DENND2A: variants seen among roughly 807,000 people sequenced by gnomAD.
DENND2A encodes the protein DENN domain containing 2A, also known as DENN domain-containing protein 2A.
In DENND2A, 53 loss-of-function variants were observed where a neutral mutation model predicts 105.3. The observed-to-expected ratio is 0.50, with a 90% CI of 0.40 to 0.63. DENND2A has a LOEUF of 0.63. Ranked by LOEUF, DENND2A falls within the 30% of genes least tolerant of loss-of-function variation. DENND2A has a pLI of 0.00. For missense variants in DENND2A, 1,138 were observed against 1,279.6 expected (o/e 0.89, Z 1.69); for synonymous variants, 522 against 508.4 (o/e 1.03, Z -0.36).
intron 8 of DENND2A, among the ~76,000 whole-genome samples, chr7:140,567,597 T>G (rs1298511890): frequency 6.6e-6 from 1 of 152,190 alleles, no homozygotes; most frequent in Non-Finnish European, 1.5e-5. Flanking sequence ...CTGTCTGGAC[T>G]CTGGGCAGAG....
chr7:140,576,081 A>G (rs548227816), intron 5 of DENND2A, among the ~76,000 whole-genome samples: 13 of 151,698 alleles, frequency 8.6e-5, no homozygotes, highest in South Asian at 8.3e-4. Context: ...TCATACTTCA[A>G]TGCGCCAACT....
chr7:140,558,723 T>C (rs1389504961), intron 10 of DENND2A, among the ~76,000 whole-genome samples: 2 of 143,910 alleles, frequency 1.4e-5, no homozygotes, highest in African/African-American at 5.1e-5. Context: ...AAAAAGTCAG[T>C]GAGACTGAGA....
intron 14 of DENND2A, among the ~76,000 whole-genome samples, chr7:140,536,009 G>A (rs77471923): frequency 0.015 from 2,217 of 152,214 alleles, 54 homozygotes; most frequent in African/African-American, 0.05. Context: ...TAATTCTAGC[G>A]CTCCTTAGCC....
intron 3 of DENND2A, among the ~76,000 whole-genome samples, chr7:140,592,078 G>A (rs1799076636): frequency 1.5e-5 from 2 of 133,336 alleles, no homozygotes; most frequent in Non-Finnish European, 3.2e-5. Context: ...CGCTCTTGAC[G>A]CCCAGGCTCT....
intron 12 of DENND2A, among the ~76,000 whole-genome samples, chr7:140,552,894 T>C (rs1043225362): frequency 1.3e-5 from 2 of 151,156 alleles, no homozygotes; most frequent in Non-Finnish European, 2.9e-5. Flanking sequence ...TGGGAAGAGA[T>C]TGTACTATGT....
In DENND2A at chr7:140,523,293, G is replaced by C. The variant is rs761954304; in HGVS notation, c.2665+14C>G. 13 of 1,613,118 alleles carry C rather than the reference G, an allele frequency of 8.1e-6. 1 individual carries two copies. In the South Asian group the frequency reaches 1.1e-4, roughly 14 times the overall value. ...GGAAGGGAGAGACCCACTGGGAGGTGGCTGAACACTTACCGTGCCTGCCGT... is the reference window on the plus strand; with the variant it reads ...GGAAGGGAGAGACCCACTGGGAGGTCGCTGAACACTTACCGTGCCTGCCGT... On this transcript the variant is annotated intron_variant, in intron 17 of 19. Coordinates refer to ENST00000496613, the MANE Select transcript of DENND2A (RefSeq NM_015689.5). This position sits in a 1 kb window ranked among gnomAD's most constrained non-coding sequence, Gnocchi z 4.5.
At chr7:140,612,808 C>T (rs1303090911) in intron 1 of DENND2A, among the ~76,000 whole-genome samples, 3 of 151,272 alleles carry the variant, frequency 2.0e-5, no homozygotes, top group Non-Finnish European at 4.4e-5. Flanking sequence ...AGCCCTGTTA[C>T]ACTAAATTTA....
chr7:140,586,865 C>CCA (rs1301626832), intron 4 of DENND2A, among the ~76,000 whole-genome samples: 2 of 152,128 alleles, frequency 1.3e-5, no homozygotes, highest in African/African-American at 4.8e-5. Context: ...CTGCATATAT[C>CCA]CACCCTACCT....
chr7:140,640,817 A>G (rs1181510488), upstream of DENND2A: 1 of 147,982 alleles, frequency 6.8e-6, no homozygotes, highest in Non-Finnish European at 1.5e-5. The surrounding 1 kb of genome is among the most constrained non-coding windows in gnomAD (Gnocchi z 4.9). Context: ...GATCTGCGCG[A>G]CGCGCGCCCC....
intron 1 of DENND2A, among the ~76,000 whole-genome samples, chr7:140,630,037 T>C (rs1800678404): frequency 6.6e-6 from 1 of 151,990 alleles, no homozygotes; most frequent in African/African-American, 2.4e-5. Flanking sequence ...ATTTTTGTAT[T>C]TTTAGTGGAG....
At chr7:140,614,963 A>G (rs371297044) in intron 1 of DENND2A, among the ~76,000 whole-genome samples, 3 of 152,136 alleles carry the variant, frequency 2.0e-5, no homozygotes, top group African/African-American at 7.2e-5. Context: ...GGCTCAGGTG[A>G]TCTTCCTACC....
rs1365194816 is a variant in DENND2A at position 140,527,281 on chromosome 7, C to T, written c.2505+37G>A. 2 of 1,532,910 alleles carry T rather than the reference C, an allele frequency of 1.3e-6. No homozygotes were observed. The highest frequency in any genetic ancestry group is 1.8e-6 in the Non-Finnish European group (2 of 1,136,278). The allele number at this position is 1,532,910 out of a possible 1,614,324, so 95.0% of individuals were successfully genotyped here. A position where few individuals can be genotyped will look rare whatever the true frequency, so the allele number is the denominator to read the frequency against. On this transcript the variant is annotated intron_variant, in intron 15 of 19. Coordinates refer to ENST00000496613, the MANE Select transcript of DENND2A (RefSeq NM_015689.5). This position sits in a 1 kb window ranked among gnomAD's most constrained non-coding sequence, Gnocchi z 4.9. ...CAGCGCCCCGCTCTGTTCTCCGCAC[C>T]CTGCAGGGAGGGGGACAGGGCTGAG...
chr7:140,530,921 A>G (rs539427121), intron 14 of DENND2A, among the ~76,000 whole-genome samples: 1 of 152,214 alleles, frequency 6.6e-6, no homozygotes, highest in South Asian at 2.1e-4. Flanking sequence ...TGGTAGACAC[A>G]GGGTTTCACC....
chr7:140,614,667 A>G (rs183980324), intron 1 of DENND2A, among the ~76,000 whole-genome samples: 113 of 152,332 alleles, frequency 7.4e-4, no homozygotes, highest in Non-Finnish European at 1.4e-3. Context: ...AGAAACCACA[A>G]CAATTACAGT....
At chr7:140,548,670 G>A (rs1393367327) in intron 12 of DENND2A, among the ~76,000 whole-genome samples, 1 of 151,464 alleles carries the variant, frequency 6.6e-6, no homozygotes, top group South Asian at 2.1e-4. Context: ...CTGGGGTGCA[G>A]TGGCATGATC....
intron 1 of DENND2A, among the ~76,000 whole-genome samples, chr7:140,613,477 T>C (rs1563178724): frequency 3.4e-5 from 5 of 149,030 alleles, no homozygotes. Context: ...GAGGCAGAGG[T>C]TGCAGCGAGC....
In DENND2A at chr7:140,595,148, A is replaced by G. The variant is rs192071101; in HGVS notation, c.995+6255T>C. 2.4e-4 allele frequency among the ~76,000 whole-genome samples: 37 copies of G among 152,220 alleles called. 1 individual carries two copies. Among genetic ancestry groups the G allele is most frequent in the African/African-American group, 7.9e-4 (33 of 41,534 alleles). On this transcript the variant is annotated intron_variant, in intron 3 of 19. Coordinates refer to ENST00000496613, the MANE Select transcript of DENND2A (RefSeq NM_015689.5). ...CAGCCTCCCGAGGAGCTGGAATTGC[A>G]GGTGTGTGCCACCATGCCTGGCTAA...
intron 14 of DENND2A, among the ~76,000 whole-genome samples, chr7:140,533,087 G>A (rs1319457083): frequency 6.7e-6 from 1 of 148,860 alleles, no homozygotes; most frequent in Non-Finnish European, 1.5e-5. Context: ...TGCCTCCCAG[G>A]TTCAAGCAAT....
Position 140,567,105 on chromosome 7 carries a change from G to A in DENND2A, c.1760C>T (p.Thr587Ile). 6.3e-7 allele frequency: 1 copy of A among 1,598,044 alleles called. No homozygotes were observed. The highest frequency in any genetic ancestry group is 2.2e-5 in the East Asian group (1 of 44,452). Residue 587 changes from threonine to isoleucine, a missense_variant, in exon 9 of 20, where the codon ACC becomes ATC. Thr to Ile is a moderately conservative substitution (Grantham distance 89). Transcript: ENST00000496613. ...TGTTACCTTCAGAGGGAACTGTTGG[G>A]TGAGTTCTGGCACGTAGGCAGCCCC... ...QAGAAYVPEL[T>I]QQFPLKLERS...
Sources: gnomAD v4.1 joint callset for allele counts (sites outside exome capture counted in the v4.1 genomes callset) on GRCh38, gnomAD v4.1.1 for gene constraint, Gnocchi (gnomAD v3.1) non-coding constraint, MANE v1.5 for transcripts, NCBI Gene and HGNC (gene_info 2026-07-23, HGNC 2026-07-21) for gene names.